The following FARS2 variants were observed in gnomAD, a reference collection of about 807,000 sequenced individuals.
The protein encoded by FARS2 is phenylalanyl-tRNA synthetase 2, mitochondrial.
A neutral mutation model predicts 46.4 loss-of-function variants in FARS2; 40 were observed. The ratio of observed to expected loss-of-function variants is 0.86; its 90% confidence interval spans 0.67 to 1.12. FARS2 has a LOEUF of 1.12. Ranked by LOEUF, FARS2 falls within the 50% of genes most tolerant of loss-of-function variation. The probability of loss-of-function intolerance (pLI) is 0.00; values close to 1 mark genes in which losing one functional copy is unlikely to be tolerated. For missense variants in FARS2, 513 were observed against 567.9 expected, an observed-to-expected ratio of 0.90 and a Z score of 0.98; for synonymous variants, 234 against 214.9, an observed-to-expected ratio of 1.09 and a Z score of -0.78.
At chr6:5,752,901 A>G (rs529730443) in intron 6 of FARS2, among the ~76,000 whole-genome samples, 199 of 152,066 alleles carry the variant, frequency 1.3e-3, no homozygotes, top group African/African-American at 4.5e-3. Flanking sequence ...TCTCCCAGGT[A>G]TGTCTTAGGA....
chr6:5,290,219 G>A (rs751303285), intron 1 of FARS2, among the ~76,000 whole-genome samples: 10 of 152,004 alleles, frequency 6.6e-5, no homozygotes, highest in East Asian at 1.9e-4. Context: ...GTTTTGTACC[G>A]ACTACTATGG....
intron 4 of FARS2, among the ~76,000 whole-genome samples, chr6:5,505,413 C>T (rs1445415087): frequency 6.6e-6 from 1 of 152,112 alleles, no homozygotes; most frequent in South Asian, 2.1e-4. Context: ...ACTGTGGAGG[C>T]AATCACACTT....
upstream of FARS2, chr6:5,261,041 T>C: frequency 1.2e-6 from 1 of 849,108 alleles, no homozygotes; most frequent in Non-Finnish European, 1.5e-6. Context: ...CAGCAGCCGC[T>C]CCACGCGGCG....
chr6:5,492,524 T>A (rs2150363371), intron 4 of FARS2, among the ~76,000 whole-genome samples: 1 of 152,376 alleles, frequency 6.6e-6, no homozygotes, highest in Non-Finnish European at 1.5e-5. Flanking sequence ...AAGTACAGAT[T>A]TAAAATTCTA....
At chr6:5,497,587 G>C (rs1050713099) in intron 4 of FARS2, among the ~76,000 whole-genome samples, 4 of 152,250 alleles carry the variant, frequency 2.6e-5, no homozygotes, top group Admixed American at 2.6e-4. Flanking sequence ...CACACCTTCA[G>C]TTAAAAGCCT....
At chr6:5,673,751 G>C (rs994357266) in intron 6 of FARS2, among the ~76,000 whole-genome samples, 11 of 152,302 alleles carry the variant, frequency 7.2e-5, no homozygotes, top group African/African-American at 2.6e-4. Context: ...GTAGTTCACA[G>C]ATTTGCACAC....
At chr6:5,545,508 G>T (rs1770918718) in intron 5 of FARS2, among the ~76,000 whole-genome samples, 168 bp downstream of exon 5, 1 of 152,060 alleles carries the variant, frequency 6.6e-6, no homozygotes, top group African/African-American at 2.4e-5. Flanking sequence ...TTGTTGCATA[G>T]GTATACGTGT....
Position 5,505,309 on chromosome 6 carries a change from G to C in FARS2, c.905-39871G>C, listed in dbSNP as rs538809631. 9.9e-5 allele frequency among the ~76,000 whole-genome samples: 15 copies of C among 152,268 alleles called. No homozygotes were observed. The South Asian group carries it at 3.1e-3, about 32-fold the overall frequency. On this transcript the variant is annotated intron_variant, in intron 4 of 6. Coordinates refer to ENST00000274680, the MANE Select transcript of FARS2 (RefSeq NM_006567.5). ...CCAGATTGATACTTTAGTTCCTGTTGTGCCTTAGTGGTTTTGCTCCACCAT... is the reference window on the plus strand; with the variant it reads ...CCAGATTGATACTTTAGTTCCTGTTCTGCCTTAGTGGTTTTGCTCCACCAT...
chr6:5,475,297 A>G (rs1223471015), intron 4 of FARS2, among the ~76,000 whole-genome samples: 1 of 152,194 alleles, frequency 6.6e-6, no homozygotes, highest in Admixed American at 6.5e-5. Context: ...TATTTTAGGC[A>G]CGTGCAAGAA....
chr6:5,251,388 A>G, the FARS2 span, among the ~76,000 whole-genome samples: 4 of 152,168 alleles, frequency 2.6e-5, no homozygotes, highest in Admixed American at 2.0e-4. Context: ...AAAGAGGTTT[A>G]ATTGGCTCAC....
At chr6:5,466,951 G>T (rs115625169) in intron 4 of FARS2, 10,738 of 985,358 alleles carry the variant, frequency 0.011, 68 homozygotes, top group Middle Eastern at 0.016. Flanking sequence ...AGCACAGCCT[G>T]TGCAGGAATG....
intron 6 of FARS2, among the ~76,000 whole-genome samples, chr6:5,636,109 T>C (rs532237445): frequency 1.7e-4 from 26 of 152,290 alleles, no homozygotes; most frequent in African/African-American, 5.8e-4. Flanking sequence ...GTTTTTTTTT[T>C]AATCAGCATT....
chr6:5,519,687 A>G (rs1769015554), intron 4 of FARS2, among the ~76,000 whole-genome samples: 1 of 152,216 alleles, frequency 6.6e-6, no homozygotes, highest in Non-Finnish European at 1.5e-5. Flanking sequence ...TAAAGGCAGT[A>G]TGACTCTGAG....
intron 4 of FARS2, chr6:5,467,033 A>G (rs531998599): frequency 2.0e-6 from 2 of 985,208 alleles, no homozygotes; most frequent in East Asian, 1.1e-4. Context: ...TTAAAGTTTT[A>G]TAGATGGACC....
At position 5,631,641 on chromosome 6, in the gene FARS2, C is replaced by T. The variant is rs373698552; in HGVS notation, c.1217+18321C>T. ...GTCTGAGATCTTGGATACCACTCTG[C>T]CCCACAGGCAGCTTCACTCAGCCAG... On this transcript the variant is annotated intron_variant, in intron 6 of 6. Coordinates refer to ENST00000274680, the MANE Select transcript of FARS2 (RefSeq NM_006567.5). 3.0e-4 allele frequency among the ~76,000 whole-genome samples: 45 copies of T among 152,320 alleles called. No individual in the cohort carries two copies. The South Asian group carries it at 9.3e-3, about 32-fold the overall frequency.
chr6:5,266,043 A>T (rs1373617239), intron 1 of FARS2, among the ~76,000 whole-genome samples: 1 of 152,116 alleles, frequency 6.6e-6, no homozygotes, highest in East Asian at 1.9e-4. Context: ...GCTTGAGAGG[A>T]TTTAAGTTTC....
intron 4 of FARS2, among the ~76,000 whole-genome samples, chr6:5,507,999 A>G (rs1768199832): frequency 6.6e-6 from 1 of 152,228 alleles, no homozygotes; most frequent in African/African-American, 2.4e-5. Context: ...TTTTATAGGC[A>G]AATAGAGAAA....
chr6:5,694,316 T>C (rs528843396), intron 6 of FARS2, among the ~76,000 whole-genome samples: 16 of 152,300 alleles, frequency 1.1e-4, no homozygotes, highest in African/African-American at 3.6e-4. Flanking sequence ...TATTTGGAAA[T>C]TGAAATTCAA....
chr6:5,392,837 ATGTGTGTATATATTATATG>A (rs1465025022), intron 2 of FARS2, among the ~76,000 whole-genome samples: 137 of 110,200 alleles, frequency 1.2e-3, no homozygotes, highest in African/African-American at 4.2e-3. Flanking sequence ...ATATACATAT[ATGTGTGTATATATTATATG>A]TGTGTGTATA....
Sources: allele counts gnomAD v4.1 joint callset (sites outside exome capture counted in the v4.1 genomes callset), GRCh38; gene constraint gnomAD v4.1.1; transcripts MANE v1.5; gene names NCBI Gene and HGNC (gene_info 2026-07-23, HGNC 2026-07-21).